The following AKR7A3 variants were observed in gnomAD, a reference collection of about 807,000 sequenced individuals.
The protein encoded by AKR7A3 is AFB1 aldehyde reductase 2.
A neutral mutation model predicts 32.5 loss-of-function variants in AKR7A3; 37 were observed. The observed-to-expected ratio is 1.14, with a 90% CI of 0.88 to 1.50. The LOEUF (loss-of-function observed/expected upper bound fraction) is 1.50. AKR7A3 is among the 40% of genes most tolerant of loss of function. The pLI, the probability that AKR7A3 is intolerant of heterozygous loss-of-function variation, is 0.00. For synonymous variants in AKR7A3, 177 were observed against 188.4 expected, an observed-to-expected ratio of 0.94 and a Z score of 0.50; for missense variants, 412 against 453.2, an observed-to-expected ratio of 0.91 and a Z score of 0.83.
chr1:19,277,585 G>A (rs1251999065), downstream of AKR7A3, among the ~76,000 whole-genome samples: 1 of 151,604 alleles, frequency 6.6e-6, no homozygotes, highest in Non-Finnish European at 1.5e-5. Flanking sequence ...GCAGTGGTGC[G>A]ATCTCGGCTC....
At chr1:19,274,376 G>C in the AKR7A3 span, among the ~76,000 whole-genome samples, 1 of 151,840 alleles carries the variant, frequency 6.6e-6, no homozygotes, top group Admixed American at 6.5e-5. Flanking sequence ...GGGTCCAAGG[G>C]TGGCGAAGAT....
At chr1:19,279,417 T>A (rs771471456), downstream of AKR7A3, among the ~76,000 whole-genome samples, 17 of 151,918 alleles carry the variant, frequency 1.1e-4, no homozygotes, top group Non-Finnish European at 1.9e-4. Flanking sequence ...TGGGGAGATA[T>A]GTTTTCACTT....
rs1370055306 is a variant in AKR7A3 at position 19,283,978 on chromosome 1, C to T, written c.834+18G>A. On this transcript the variant is annotated intron_variant, in intron 6 of 6. Transcript: ENST00000361640. ...CCCCTGGAAGGGAAGAAGCTGAGCG[C>T]ACAGGGTCACTGGTTACCTGCAGCT... is the stretch of plus-strand genomic sequence containing the variant. 1 of 1,612,586 alleles carries T rather than the reference C, an allele frequency of 6.2e-7. No individual in the cohort carries two copies. Among genetic ancestry groups the T allele is most frequent in the Admixed American group, 1.7e-5 (1 of 59,994 alleles).
Position 19,285,971 on chromosome 1 carries a change from G to T in AKR7A3, c.424C>A (p.Leu142Ile). The T allele has an allele frequency of 6.2e-7, 1 of 1,613,730 alleles. No individual in the cohort carries two copies. The highest frequency in any genetic ancestry group is 8.5e-7 in the Non-Finnish European group (1 of 1,179,952). Residue 142 changes from leucine to isoleucine, a missense_variant, in exon 3 of 7, where the codon CTC becomes ATC. By Grantham distance (5) the Leu-to-Ile change is conservative. Coordinates refer to ENST00000361640, the MANE Select transcript of AKR7A3 (RefSeq NM_012067.3). ...HQEGKFVELG[L>I]SNYAAWEVAE... ...ACTTCCCAGGCTGCATAGTTGGAGA[G>T]GCCAAGCTCCACGAACTTGCCCTGC...
chr1:19,288,629 G>C lies in AKR7A3; in HGVS notation c.81C>G (p.Thr27=), dbSNP rs1420250386. Residue 27 remains threonine, a synonymous_variant, in exon 1 of 7, where the codon ACC becomes ACG. Coordinates refer to ENST00000361640, the MANE Select transcript of AKR7A3 (RefSeq NM_012067.3). ...GGAAGGCGCGCGTGACTGCGGCGCT[G>C]GTGGGCGCGTCCATGCGGCGCCCCA... ...MEMGRRMDAP[T]SAAVTRAFLE... The C allele has an allele frequency of 1.9e-6, 3 of 1,559,022 alleles. No homozygotes were observed. Among genetic ancestry groups the C allele is most frequent in the East Asian group, 4.8e-5 (2 of 41,902 alleles).
intron 6 of AKR7A3, 107 bp downstream of exon 6, chr1:19,283,889 A>AAGAG: frequency 1.9e-6 from 3 of 1,550,434 alleles, no homozygotes; most frequent in Non-Finnish European, 2.6e-6. Flanking sequence ...AGTTGAAAGA[A>AAGAG]AGAGAAATTT....
At chr1:19,274,899 C>CAAAAAAAAAAAAAAAAAAAAAAAAAAAAA in the AKR7A3 span, among the ~76,000 whole-genome samples, 55 of 44,246 alleles carry the variant, frequency 1.2e-3, 8 homozygotes, top group Non-Finnish European at 1.5e-3. Context: ...TCTCTAAATA[C>CAAAAAAAAAAAAAAAAAAAAAAAAAAAAA]AAAAAAAAAA....
chr1:19,287,924 G>A (rs1025200433), intron 1 of AKR7A3, among the ~76,000 whole-genome samples: 5 of 152,182 alleles, frequency 3.3e-5, no homozygotes, highest in Non-Finnish European at 7.3e-5. Context: ...TGAGGGAGCT[G>A]CCAAGGCTTC....
intron 1 of AKR7A3, 39 bp downstream of exon 1, chr1:19,288,457 T>C: frequency 6.2e-7 from 1 of 1,602,764 alleles, no homozygotes; most frequent in East Asian, 2.3e-5. Context: ...CAGGCTCAGC[T>C]CTGCACCGTG....
intron 6 of AKR7A3, among the ~76,000 whole-genome samples, 199 bp downstream of exon 6, chr1:19,283,797 C>T (rs1178692387): frequency 6.6e-6 from 1 of 151,870 alleles, no homozygotes; most frequent in African/African-American, 2.4e-5. Context: ...TGCCACTGCA[C>T]TCCAGCCTGG....
At chr1:19,279,242 G>A (rs570831463), downstream of AKR7A3, among the ~76,000 whole-genome samples, 30 of 152,026 alleles carry the variant, frequency 2.0e-4, 1 homozygote, top group Non-Finnish European at 3.4e-4. Flanking sequence ...GATTACAGGC[G>A]TGAGCTACTT....
the AKR7A3 span, among the ~76,000 whole-genome samples, chr1:19,275,241 A>G: frequency 4.6e-5 from 7 of 151,530 alleles, no homozygotes; most frequent in African/African-American, 1.7e-4. Flanking sequence ...GAGAAACCCC[A>G]TCTCTACTAA....
chr1:19,288,637 C>T lies in AKR7A3; in HGVS notation c.73G>A (p.Ala25Thr). The T allele has an allele frequency of 6.4e-7, 1 of 1,551,924 alleles. No homozygotes were observed. Among genetic ancestry groups the T allele is most frequent in the Non-Finnish European group, 8.7e-7 (1 of 1,150,146 alleles). ...GAMEMGRRMD[A>T]PTSAAVTRAF... ...CGCGTGACTGCGGCGCTGGTGGGCG[C>T]GTCCATGCGGCGCCCCATCTCCATG... Residue 25 changes from alanine to threonine, a missense_variant, in exon 1 of 7, where the codon GCG becomes ACG. By Grantham distance (58) the Ala-to-Thr change is moderately conservative. Transcript: ENST00000361640.
At chr1:19,288,397 T>C in intron 1 of AKR7A3, 99 bp downstream of exon 1, 16 of 1,426,088 alleles carry the variant, frequency 1.1e-5, no homozygotes, top group African/African-American at 1.4e-5. Flanking sequence ...GGACAAAACT[T>C]TGGGTGCTGC....
intron 5 of AKR7A3, among the ~76,000 whole-genome samples, chr1:19,284,455 T>C (rs1033306673): frequency 2.6e-5 from 4 of 151,838 alleles, no homozygotes; most frequent in African/African-American, 9.7e-5. Context: ...TAGCAGGTGA[T>C]TGCTCAGGAA....
In AKR7A3 at chr1:19,284,368, C is replaced by A. The variant is rs544271165; in HGVS notation, c.705-243G>T. Among the ~76,000 whole-genome samples, 61 of 152,054 alleles carry A rather than the reference C, an allele frequency of 4.0e-4. 1 individual carries two copies. The highest frequency in any genetic ancestry group is 1.4e-3 in the African/African-American group (59 of 41,298). On this transcript the variant is annotated intron_variant, in intron 5 of 6. Transcript: ENST00000361640. ...AGCCTGCTCTTATTTTCCTTAGGGA[C>A]ACAAAGGCCGCTAAGATGGGTCAGG... is the stretch of plus-strand genomic sequence containing the variant.
rs186160167 is a variant in AKR7A3 at position 19,285,132 on chromosome 1, C to A, written c.508-18G>T. 9.1e-4 allele frequency: 1,467 copies of A among 1,613,102 alleles called. 27 individuals are homozygous for A. In the East Asian group the frequency reaches 0.029, roughly 32 times the overall value. ...TACATGCCCTGTAAGGAGAGGGGCC[C>A]CGGGGGAGAGGGTGGATGTGTCAAA... On this transcript the variant is annotated intron_variant, in intron 3 of 6. Transcript: ENST00000361640.
chr1:19,282,779 A>AT lies in AKR7A3; in HGVS notation c.947dup (p.Asn316LysfsTer30). ...CGTGAGTAACCAAATGCCAGGCTTGATTAAAGGCGTCCACGACAGCCGGCT... is the reference window on the plus strand; with the variant it reads ...CGTGAGTAACCAAATGCCAGGCTTGATTTAAAGGCGTCCACGACAGCCGGCT... On this transcript the variant is annotated frameshift_variant, in exon 7 of 7. Transcript: ENST00000361640. LOFTEE classifies it high-confidence loss of function. 6.2e-7 allele frequency: 1 copy of AT among 1,613,688 alleles called. No homozygotes were observed. The highest frequency in any genetic ancestry group is 2.2e-5 in the East Asian group (1 of 44,872).
At chr1:19,279,185 C>T (rs1189630320), downstream of AKR7A3, among the ~76,000 whole-genome samples, 2 of 151,952 alleles carry the variant, frequency 1.3e-5, no homozygotes, top group African/African-American at 4.9e-5. Context: ...TGGTCTGGAA[C>T]TCCTGTCTTC....
Sources: allele counts gnomAD v4.1 joint callset (sites outside exome capture counted in the v4.1 genomes callset), GRCh38; gene constraint gnomAD v4.1.1; transcripts MANE v1.5; gene names NCBI Gene and HGNC (gene_info 2026-07-23, HGNC 2026-07-21).